SH2D4A: variants seen among roughly 807,000 people sequenced by gnomAD.
The protein encoded by SH2D4A is SH2 domain-containing protein 4A.
Under a neutral mutation model 64.7 loss-of-function variants are expected in SH2D4A, and 70 were observed. That is an observed-to-expected ratio of 1.08 (90% CI 0.89 to 1.32). SH2D4A has a LOEUF of 1.32. SH2D4A is among the 40% of genes most tolerant of loss of function. SH2D4A has a pLI of 0.00. For missense variants in SH2D4A, 706 were observed against 540.1 expected, an observed-to-expected ratio of 1.31 and a Z score of -3.04; for synonymous variants, 268 against 200.7, an observed-to-expected ratio of 1.34 and a Z score of -2.83.
At chr8:19,344,599 T>A (rs1431689972) in intron 4 of SH2D4A, among the ~76,000 whole-genome samples, 1 of 152,194 alleles carries the variant, frequency 6.6e-6, no homozygotes, top group Non-Finnish European at 1.5e-5. Context: ...TGGTAATTAA[T>A]GTCTGAGGAG....
At chr8:19,363,852 A>G in intron 6 of SH2D4A, 1 of 550,054 alleles carries the variant, frequency 1.8e-6, no homozygotes, top group Non-Finnish European at 3.2e-6. Flanking sequence ...TCTCCCTCTC[A>G]GAAAACCCCC....
chr8:19,370,200 C>T (rs916709391), intron 7 of SH2D4A, among the ~76,000 whole-genome samples: 1 of 151,892 alleles, frequency 6.6e-6, no homozygotes, highest in African/African-American at 2.4e-5. Context: ...AGAGAGTATT[C>T]TATTTGCTGT....
intron 8 of SH2D4A, among the ~76,000 whole-genome samples, chr8:19,388,133 C>T (rs992168344): frequency 7.2e-5 from 11 of 152,150 alleles, no homozygotes; most frequent in African/African-American, 1.2e-4. Flanking sequence ...ATTTTATTTT[C>T]GGCTCATTCC....
chr8:19,387,447 C>A (rs555689299), intron 8 of SH2D4A, among the ~76,000 whole-genome samples: 2 of 152,164 alleles, frequency 1.3e-5, no homozygotes, highest in Non-Finnish European at 2.9e-5. Flanking sequence ...GCCATGTTGC[C>A]CAGGCTAGTC....
At position 19,334,633 on chromosome 8, in the gene SH2D4A, G is replaced by T. The variant is rs139524003; in HGVS notation, c.342-53G>T. On this transcript the variant is annotated intron_variant, in intron 3 of 9. Coordinates refer to ENST00000265807, the MANE Select transcript of SH2D4A (RefSeq NM_022071.4). ...GAATGTCGACATATGCTTTGGAAAG[G>T]CTCTTCCTGTTGAAGAATGTTTTTT... 1.2e-3 allele frequency: 1,832 copies of T among 1,536,408 alleles called. 2 individuals are homozygous for T. Among genetic ancestry groups the T allele is most frequent in the Non-Finnish European group, 1.5e-3 (1,689 of 1,139,684 alleles).
intron 8 of SH2D4A, among the ~76,000 whole-genome samples, chr8:19,388,134 G>T (rs918166181): frequency 6.6e-6 from 1 of 152,072 alleles, no homozygotes; most frequent in South Asian, 2.1e-4. Flanking sequence ...TTTTATTTTC[G>T]GCTCATTCCA....
intron 8 of SH2D4A, among the ~76,000 whole-genome samples, chr8:19,391,975 C>A (rs1160052195): frequency 1.3e-5 from 2 of 152,212 alleles, no homozygotes; most frequent in Non-Finnish European, 2.9e-5. Context: ...AACGCTGCTC[C>A]TCCCTCCCAG....
chr8:19,324,616 G>A (rs552295567), intron 2 of SH2D4A, among the ~76,000 whole-genome samples: 1 of 152,272 alleles, frequency 6.6e-6, no homozygotes, highest in African/African-American at 2.4e-5. Flanking sequence ...CCAGTCACGA[G>A]TGTCTTGCTC....
rs756219851 is a variant in SH2D4A at position 19,373,641 on chromosome 8, C to T, written c.1029C>T (p.Thr343=). The change falls in exon 8 of 10, where the codon ACC becomes ACT. Residue 343 remains threonine (T), a synonymous_variant. Transcript: ENST00000265807. ...LRAGYQKTSD[T]IAPWFHGILT... ...CGGGCTACCAGAAAACCTCAGACAC[C>T]ATAGCCCCCTGGTTCCATGGTGAGT... The T allele has an allele frequency of 1.2e-6, 2 of 1,613,246 alleles. No homozygotes were observed. The highest frequency in any genetic ancestry group is 1.1e-5 in the South Asian group (1 of 91,020).
intron 4 of SH2D4A, among the ~76,000 whole-genome samples, chr8:19,353,734 T>G (rs865816249): frequency 2.0e-5 from 3 of 149,666 alleles, no homozygotes; most frequent in Non-Finnish European, 4.4e-5. Context: ...ATTTTCACTC[T>G]ATTACTTGTG....
chr8:19,322,281 T>C (rs1391886270), intron 2 of SH2D4A, among the ~76,000 whole-genome samples: 3 of 152,128 alleles, frequency 2.0e-5, no homozygotes, highest in Non-Finnish European at 4.4e-5. Context: ...CCCATGACCC[T>C]TGTGGGTTGA....
intron 7 of SH2D4A, among the ~76,000 whole-genome samples, chr8:19,366,323 C>A (rs969467962): frequency 6.6e-6 from 1 of 152,150 alleles, no homozygotes; most frequent in Non-Finnish European, 1.5e-5. Flanking sequence ...AAAATCCTAT[C>A]TTTTGGCTGT....
At chr8:19,331,450 A>G (rs1459138507) in intron 2 of SH2D4A, among the ~76,000 whole-genome samples, 1 of 152,074 alleles carries the variant, frequency 6.6e-6, no homozygotes, top group African/African-American at 2.4e-5. Flanking sequence ...AGACTCAGGG[A>G]TGGTCTCTGT....
rs1258319621 is a variant in SH2D4A, at chr8:19,381,064, C to T, written c.1048+7404C>T. Among the ~76,000 whole-genome samples, 17 of 149,174 alleles carry T rather than the reference C, an allele frequency of 1.1e-4. No homozygotes were observed. The East Asian group carries it at 2.1e-3, about 19-fold the overall frequency. ...TTTTGTAGTTTTTTTTTTTTTTAGA[C>T]GGAGTCTTGCTCTGTTGCCTAGGCT... On this transcript the variant is annotated intron_variant, in intron 8 of 9. Coordinates refer to ENST00000265807, the MANE Select transcript of SH2D4A (RefSeq NM_022071.4).
At chr8:19,314,185 G>A in intron 1 of SH2D4A, 1 of 844,736 alleles carries the variant, frequency 1.2e-6, no homozygotes, top group Non-Finnish European at 1.5e-6. Context: ...TCTGGAATCC[G>A]GCAGGGACAC....
At position 19,364,189 on chromosome 8, in the gene SH2D4A, G is replaced by C. The variant is rs34608771; in HGVS notation, c.824G>C (p.Ser275Thr). 2.5e-6 allele frequency: 4 copies of C among 1,614,020 alleles called. No homozygotes were observed. In the African/African-American group the frequency reaches 5.3e-5, roughly 22 times the overall value. ...GGAAGAGGCGGTGAGAGGCTGCAAA[G>C]CCCCTTGCGTGTTCCGCAGAAACCA... ...QKGRGGERLQSPLRVPQKPER... is the reference protein window; with the variant it reads ...QKGRGGERLQTPLRVPQKPER... The change falls in exon 7 of 10, where the codon AGC becomes ACC. Residue 275 changes from serine (S) to threonine (T), a missense_variant. Coordinates refer to ENST00000265807, the MANE Select transcript of SH2D4A (RefSeq NM_022071.4).
In SH2D4A at chr8:19,334,861, A is replaced by T; in HGVS notation, c.513+4A>T. On this transcript the variant is annotated splice_donor_region_variant and intron_variant, in intron 4 of 9. Coordinates refer to ENST00000265807, the MANE Select transcript of SH2D4A (RefSeq NM_022071.4). The stretch of plus-strand genomic sequence containing the variant: ...CCTGGAAGAAGAGAAAATCCGAGTG[A>T]GTCCTTACTGTCTGTAGACGTGCGG... 6.2e-7 allele frequency: 1 copy of T among 1,603,566 alleles called. No homozygotes were observed. The highest frequency in any genetic ancestry group is 8.5e-7 in the Non-Finnish European group (1 of 1,177,008).
chr8:19,373,559 G>A lies in SH2D4A; in HGVS notation c.947G>A (p.Ser316Asn), dbSNP rs1255864266. The A allele has an allele frequency of 1.2e-6, 2 of 1,612,856 alleles. No homozygotes were observed. Among genetic ancestry groups the A allele is most frequent in the Non-Finnish European group, 1.7e-6 (2 of 1,179,482 alleles). Residue 316 changes from serine (S) to asparagine (N), a missense_variant, in exon 8 of 10, where the codon AGC (serine) becomes AAC (asparagine). Coordinates refer to ENST00000265807, the MANE Select transcript of SH2D4A (RefSeq NM_022071.4). ...RNQGVVRTLS[S>N]SAQEDIIRWF... The stretch of plus-strand genomic sequence containing the variant: ...CAGGGAGTGGTGAGGACACTGTCCA[G>A]CTCTGCCCAAGAGGACATCATCCGG...
intron 1 of SH2D4A, among the ~76,000 whole-genome samples, chr8:19,317,458 G>C (rs2117165164): frequency 6.6e-6 from 1 of 151,796 alleles, no homozygotes; most frequent in East Asian, 1.9e-4. Flanking sequence ...GATTCTGGTA[G>C]TTGAATGCTG....
Sources: allele counts gnomAD v4.1 joint callset (sites outside exome capture counted in the v4.1 genomes callset), GRCh38; gene constraint gnomAD v4.1.1; transcripts MANE v1.5; gene names NCBI Gene and HGNC (gene_info 2026-07-23, HGNC 2026-07-21).